Variants in MARK1 observed in about 807,000 individuals in gnomAD.
The protein encoded by MARK1 is microtubule affinity regulating kinase 1.
In MARK1, 40 loss-of-function variants were observed where a neutral mutation model predicts 96.3. The observed-to-expected ratio is 0.42, with a 90% CI of 0.32 to 0.54. The LOEUF is 0.54. MARK1 is among the 20% of genes least tolerant of loss of function. The probability of loss-of-function intolerance (pLI) is 0.16; values close to 1 mark genes in which losing one functional copy is unlikely to be tolerated. For synonymous variants in MARK1, 317 were observed against 341.2 expected (o/e 0.93, Z 0.78); for missense variants, 719 against 984.6 (o/e 0.73, Z 3.61).
chr1:220,550,084 TGA>T (rs1235620169), intron 1 of MARK1, among the ~76,000 whole-genome samples: 5 of 152,228 alleles, frequency 3.3e-5, no homozygotes, highest in Non-Finnish European at 7.3e-5. Flanking sequence ...CATTCATTCT[TGA>T]GACTGAGTAC....
At chr1:220,612,769 AATGT>A (rs1237800003) in intron 6 of MARK1, among the ~76,000 whole-genome samples, 1 of 152,196 alleles carries the variant, frequency 6.6e-6, no homozygotes, top group Non-Finnish European at 1.5e-5. Context: ...ACAGTGAAAG[AATGT>A]ATGTATTAAT....
At chr1:220,554,646 A>G (rs893132751) in intron 1 of MARK1, among the ~76,000 whole-genome samples, 2 of 152,232 alleles carry the variant, frequency 1.3e-5, no homozygotes, top group Admixed American at 1.3e-4. Flanking sequence ...AGTTATAAAT[A>G]AAAAAGCATT....
intron 9 of MARK1, among the ~76,000 whole-genome samples, chr1:220,629,758 A>T (rs1667563866): frequency 6.6e-6 from 1 of 152,198 alleles, no homozygotes; most frequent in Non-Finnish European, 1.5e-5. Context: ...CTCAAGGTTC[A>T]TCCATGTTGT....
intron 3 of MARK1, among the ~76,000 whole-genome samples, chr1:220,592,106 G>C (rs1320036003): frequency 2.0e-5 from 3 of 151,658 alleles, no homozygotes; most frequent in Non-Finnish European, 4.4e-5. Context: ...CTTGCCTTCT[G>C]ATGTTCACAC....
intron 6 of MARK1, 112 bp downstream of exon 6, chr1:220,604,249 G>C (rs1359204018): frequency 5.6e-6 from 3 of 539,916 alleles, no homozygotes; most frequent in Non-Finnish European, 9.6e-6. Context: ...AAGAATTCCT[G>C]CTTTCTTATA....
At chr1:220,601,767 A>G (rs1425516408) in intron 5 of MARK1, among the ~76,000 whole-genome samples, 14 of 152,240 alleles carry the variant, frequency 9.2e-5, no homozygotes, top group Middle Eastern at 3.4e-3. Context: ...TCAACTCTCT[A>G]TTGGTGCTAA....
chr1:220,555,691 T>C (rs1164627635), intron 1 of MARK1, among the ~76,000 whole-genome samples: 1 of 152,208 alleles, frequency 6.6e-6, no homozygotes, highest in African/African-American at 2.4e-5. Flanking sequence ...TGTTTGGCTA[T>C]GAGAAATCTG....
At chr1:220,575,377 A>C (rs1232320230) in intron 1 of MARK1, among the ~76,000 whole-genome samples, 1 of 152,218 alleles carries the variant, frequency 6.6e-6, no homozygotes, top group Non-Finnish European at 1.5e-5. Context: ...TCTTCTATTT[A>C]ACAGCCTTAG....
chr1:220,604,233 A>T (rs1207815855), intron 6 of MARK1, 96 bp downstream of exon 6: 1 of 607,116 alleles, frequency 1.6e-6, no homozygotes, highest in African/African-American at 1.9e-5. Flanking sequence ...ATGGTATTTT[A>T]AAAAGAAGAA....
intron 1 of MARK1, among the ~76,000 whole-genome samples, chr1:220,529,554 T>A (rs1660165383): frequency 1.3e-5 from 2 of 152,122 alleles, no homozygotes; most frequent in African/African-American, 4.8e-5. Context: ...GGCTTTTTAA[T>A]CTCTTCCTTA....
chr1:220,557,034 A>G (rs1287538522), intron 1 of MARK1, among the ~76,000 whole-genome samples: 5 of 152,208 alleles, frequency 3.3e-5, no homozygotes, highest in South Asian at 4.1e-4. Context: ...AGAGAGATAC[A>G]TGTCTTCAGA....
intron 1 of MARK1, among the ~76,000 whole-genome samples, chr1:220,532,033 C>A (rs1482791260): frequency 6.6e-6 from 1 of 151,918 alleles, no homozygotes; most frequent in Non-Finnish European, 1.5e-5. Context: ...GGGAAAAACT[C>A]CGATTATGCT....
At position 220,635,855 on chromosome 1, in the gene MARK1, T is replaced by C. The variant is rs765213100; in HGVS notation, c.1299T>C (p.Ala433=). 1.4e-5 allele frequency: 22 copies of C among 1,606,636 alleles called. No individual in the cohort carries two copies. The East Asian group carries it at 4.9e-4, about 36-fold the overall frequency. Residue 433 remains alanine (A), a synonymous_variant, in exon 13 of 18, where the codon GCT becomes GCC. Coordinates refer to ENST00000366917, the MANE Select transcript of MARK1 (RefSeq NM_018650.5). The part of the protein sequence containing the change: ...SDHAGPSIPP[A]VSYTKRPQAN... ...TAGCTGGTCCATCCATTCCTCCTGC[T>C]GTATCATATACCAAAAGACCTCAGG...
intron 1 of MARK1, among the ~76,000 whole-genome samples, chr1:220,536,571 T>A (rs923583048): frequency 5.3e-5 from 8 of 152,092 alleles, no homozygotes; most frequent in Admixed American, 1.3e-4. Flanking sequence ...CTTTTTTTTT[T>A]TTGAGATGGA....
chr1:220,546,537 A>G (rs563754470), intron 1 of MARK1, among the ~76,000 whole-genome samples: 2 of 152,356 alleles, frequency 1.3e-5, no homozygotes, highest in East Asian at 1.9e-4. Context: ...AGTGATGAAT[A>G]TAGTTGAACT....
At chr1:220,624,428 C>T (rs548810164) in intron 9 of MARK1, among the ~76,000 whole-genome samples, 10 of 151,796 alleles carry the variant, frequency 6.6e-5, no homozygotes, top group East Asian at 1.9e-4. Context: ...GGAGAAACCC[C>T]GTCTCTATTA....
intron 13 of MARK1, among the ~76,000 whole-genome samples, chr1:220,647,954 C>T (rs1312943920): frequency 6.6e-6 from 1 of 151,722 alleles, no homozygotes; most frequent in Non-Finnish European, 1.5e-5. Flanking sequence ...GGGCTTAATA[C>T]CTAGGTGACA....
rs199539694 is a variant in MARK1 at position 220,579,376 on chromosome 1, C to T, written c.74C>T (p.Thr25Ile). 93 of 1,613,714 alleles carry T rather than the reference C, an allele frequency of 5.8e-5. No individual in the cohort carries two copies. In the Middle Eastern group the frequency reaches 6.6e-4, roughly 11 times the overall value. Residue 25 changes from threonine (T) to isoleucine (I), a missense_variant, in exon 2 of 18, where the codon ACT becomes ATT. By Grantham distance (89) the Thr-to-Ile change is moderately conservative (BLOSUM62 -1). Around this residue, in one of 4 missense-constraint regions of MARK1, gnomAD observed 105 missense variants for 133.4 expected, o/e 0.79. Coordinates refer to ENST00000366917, the MANE Select transcript of MARK1 (RefSeq NM_018650.5). The part of the protein sequence containing the change: ...TENHTSVDGY[T>I]EPHIQPTKSS... Reference sequence around the variant, plus strand: ...TAGCATACATCTGTGGATGGATATACTGAACCACACATCCAGCCTACCAAG... The same window carrying T: ...TAGCATACATCTGTGGATGGATATATTGAACCACACATCCAGCCTACCAAG...
At chr1:220,580,100 A>G (rs1365849293) in intron 2 of MARK1, among the ~76,000 whole-genome samples, 1 of 152,110 alleles carries the variant, frequency 6.6e-6, no homozygotes. Flanking sequence ...ATATACCTGT[A>G]TGCTAGGGTT....
Sources: allele counts gnomAD v4.1 joint callset (sites outside exome capture counted in the v4.1 genomes callset), GRCh38; gene constraint gnomAD v4.1.1; regional missense constraint gnomAD v4.1.1; transcripts MANE v1.5; gene names NCBI Gene and HGNC (gene_info 2026-07-23, HGNC 2026-07-21).